Variants in SORCS3 observed in about 807,000 individuals in gnomAD.
SORCS3 encodes VPS10 domain-containing receptor SorCS3.
Under a neutral mutation model 146.3 loss-of-function variants are expected in SORCS3, and 57 were observed. The observed-to-expected ratio is 0.39, with a 90% confidence interval of 0.31 to 0.49. The LOEUF (loss-of-function observed/expected upper bound fraction) is 0.49. Among genes scored for constraint, SORCS3 ranks in the 20% least tolerant of loss-of-function variants. The pLI, the probability that SORCS3 is intolerant of heterozygous loss-of-function variation, is 0.92. For synonymous variants in SORCS3, 653 were observed against 618.5 expected (o/e 1.06, Z -0.83); for missense variants, 1,341 against 1,575.5 (o/e 0.85, Z 2.52).
intron 4 of SORCS3, among the ~76,000 whole-genome samples, chr10:105,009,391 G>A (rs544665640): frequency 2.0e-5 from 3 of 152,040 alleles, no homozygotes; most frequent in African/African-American, 7.2e-5. Flanking sequence ...GTATTATGTA[G>A]GTTTCTGCCC....
chr10:104,656,637 C>T (rs1173340652), intron 1 of SORCS3, among the ~76,000 whole-genome samples: 2 of 151,172 alleles, frequency 1.3e-5, no homozygotes, highest in Non-Finnish European at 2.9e-5. Flanking sequence ...GCACTCTAAC[C>T]TGGATGACAG....
intron 2 of SORCS3, among the ~76,000 whole-genome samples, chr10:104,914,047 G>C (rs1056059422): frequency 6.6e-6 from 1 of 152,108 alleles, no homozygotes; most frequent in Non-Finnish European, 1.5e-5. Context: ...GGGATTACAG[G>C]CGTGCGTCAC....
chr10:104,959,168 A>G (rs2054774329), intron 3 of SORCS3, among the ~76,000 whole-genome samples: 1 of 152,186 alleles, frequency 6.6e-6, no homozygotes, highest in South Asian at 2.1e-4. Context: ...TGTTTAAATC[A>G]CCAAGTCTGG....
chr10:105,195,643 G>A (rs1457676174), intron 14 of SORCS3, among the ~76,000 whole-genome samples: 4 of 152,152 alleles, frequency 2.6e-5, no homozygotes, highest in Admixed American at 6.6e-5. Flanking sequence ...AGGGAAGCTG[G>A]GTCTATACAA....
In SORCS3 at chr10:105,115,738, C is replaced by T. The variant is rs74157440; in HGVS notation, c.1212+10223C>T. ...CCTCTATGATGTGGCTACTGTATCC[C>T]CAGTAAATTACTATCTTTCTGAAAA... is the stretch of plus-strand genomic sequence containing the variant. On this transcript the variant is annotated intron_variant, in intron 7 of 26. Transcript: ENST00000369701. Among the ~76,000 whole-genome samples, 920 of 152,068 alleles carry T rather than the reference C, an allele frequency of 6.0e-3. 6 individuals carry two copies. Among genetic ancestry groups the T allele is most frequent in the African/African-American group, 0.021 (856 of 41,458 alleles).
chr10:104,969,303 T>TTG (rs59557629), intron 3 of SORCS3, among the ~76,000 whole-genome samples: 18,708 of 140,470 alleles, frequency 0.13, 1,254 homozygotes, highest in Non-Finnish European at 0.14. Context: ...TCAAAAAGGA[T>TTG]TGTGTGTGTG....
intron 10 of SORCS3, among the ~76,000 whole-genome samples, chr10:105,158,261 T>A (rs1034641203): frequency 1.3e-5 from 2 of 152,202 alleles, no homozygotes; most frequent in African/African-American, 4.8e-5. Flanking sequence ...TTGTACAGAA[T>A]ATGTCTCTGT....
intron 2 of SORCS3, among the ~76,000 whole-genome samples, chr10:104,844,715 G>A (rs186808851): frequency 9.7e-4 from 147 of 152,248 alleles, no homozygotes; most frequent in Admixed American, 8.0e-3. Flanking sequence ...GTGGCTTAAA[G>A]CAACAGAAAT....
At chr10:104,938,191 TG>T (rs943802813) in intron 3 of SORCS3, among the ~76,000 whole-genome samples, 1 of 152,216 alleles carries the variant, frequency 6.6e-6, no homozygotes, top group African/African-American at 2.4e-5. Flanking sequence ...CAAGCTGATG[TG>T]GTTCTCAGTA....
intron 4 of SORCS3, among the ~76,000 whole-genome samples, chr10:105,014,570 T>C (rs747969303): frequency 2.4e-4 from 36 of 152,126 alleles, no homozygotes; most frequent in Non-Finnish European, 4.0e-4. Flanking sequence ...TAAAGAAATA[T>C]TATAAGTTTA....
intron 5 of SORCS3, among the ~76,000 whole-genome samples, chr10:105,083,261 GT>G (rs199565130): frequency 1.3e-5 from 2 of 148,356 alleles, no homozygotes; most frequent in East Asian, 2.0e-4. Flanking sequence ...CTTTCTAGGA[GT>G]TTTTTTTTTC....
Position 105,139,398 on chromosome 10 carries a change from T to C in SORCS3, c.1214T>C (p.Val405Ala). Residue 405 changes from valine (V) to alanine (A), a missense_variant and splice_region_variant, in exon 8 of 27, where the codon GTA (valine) becomes GCA (alanine). Val to Ala is a moderately conservative substitution (Grantham distance 64). Coordinates refer to ENST00000369701, the MANE Select transcript of SORCS3 (RefSeq NM_014978.3). ...VVQDEYIFIQ[V>A]TTSGRASYYV... ...CTTTGTGTTTCCCCCACAATCTAGGTAACAACTAGTGGAAGAGCCAGCTAC... is the reference window on the plus strand; with the variant it reads ...CTTTGTGTTTCCCCCACAATCTAGGCAACAACTAGTGGAAGAGCCAGCTAC... 6.2e-7 allele frequency: 1 copy of C among 1,612,356 alleles called. No individual in the cohort carries two copies. The highest frequency in any genetic ancestry group is 1.1e-5 in the South Asian group (1 of 91,006).
chr10:105,043,018 T>C (rs1303272068), intron 4 of SORCS3, 37 bp from the exon 5 acceptor site: 1 of 1,582,448 alleles, frequency 6.3e-7, no homozygotes, highest in African/African-American at 1.3e-5. Flanking sequence ...CAGCAGTGGT[T>C]CCTTGAGACT....
At chr10:104,732,781 A>G (rs185270540) in intron 1 of SORCS3, among the ~76,000 whole-genome samples, 5 of 152,306 alleles carry the variant, frequency 3.3e-5, no homozygotes, top group African/African-American at 1.2e-4. Flanking sequence ...GTGCTTTAAC[A>G]TCTAGATGGC....
intron 7 of SORCS3, among the ~76,000 whole-genome samples, chr10:105,121,036 G>T (rs1168551416): frequency 6.6e-6 from 1 of 152,172 alleles, no homozygotes; most frequent in African/African-American, 2.4e-5. Flanking sequence ...GGTCAGGAAG[G>T]CAGATGTGTT....
At chr10:105,142,363 C>A (rs790725) in intron 8 of SORCS3, among the ~76,000 whole-genome samples, 1 of 151,838 alleles carries the variant, frequency 6.6e-6, no homozygotes, top group African/African-American at 2.4e-5. Context: ...TATGACTTGA[C>A]AAGATTCAGA....
chr10:105,179,524 A>G (rs1409899992), intron 14 of SORCS3, among the ~76,000 whole-genome samples: 1 of 152,200 alleles, frequency 6.6e-6, no homozygotes, highest in East Asian at 1.9e-4. Flanking sequence ...ATTTTCTTAT[A>G]GGGGATCTTT....
intron 1 of SORCS3, among the ~76,000 whole-genome samples, chr10:104,694,141 G>C (rs147701450): frequency 6.7e-6 from 1 of 150,330 alleles, no homozygotes; most frequent in East Asian, 2.0e-4. Context: ...TGCTTTCCAC[G>C]TTAGATTCAA....
intron 3 of SORCS3, among the ~76,000 whole-genome samples, chr10:104,970,148 CT>C (rs991589489): frequency 1.7e-4 from 26 of 151,728 alleles, no homozygotes; most frequent in African/African-American, 5.3e-4. Context: ...GCTTTTTTTT[CT>C]TTTTTTGTTT....
Sources: gnomAD v4.1 joint callset for allele counts (sites outside exome capture counted in the v4.1 genomes callset) on GRCh38, gnomAD v4.1.1 for gene constraint, MANE v1.5 for transcripts, NCBI Gene and HGNC (gene_info 2026-07-23, HGNC 2026-07-21) for gene names.